The following SNTG1 variants were observed in gnomAD, a reference collection of about 807,000 sequenced individuals.
SNTG1 encodes gamma-1-syntrophin.
In SNTG1, 39 loss-of-function variants were observed where a neutral mutation model predicts 74.7. The ratio of observed to expected loss-of-function variants is 0.52; its 90% CI spans 0.40 to 0.68. The LOEUF (loss-of-function observed/expected upper bound fraction) is 0.68. Among genes scored for constraint, SNTG1 ranks in the 30% least tolerant of loss-of-function variants. The probability of loss-of-function intolerance (pLI) is 0.00; values close to 1 mark genes in which losing one functional copy is unlikely to be tolerated. For synonymous variants in SNTG1, 254 were observed against 217.1 expected, an observed-to-expected ratio of 1.17 and a Z score of -1.49; for missense variants, 685 against 609.5, an observed-to-expected ratio of 1.12 and a Z score of -1.30.
At chr8:50,503,715 T>C (rs542538928) in intron 9 of SNTG1, among the ~76,000 whole-genome samples, 3 of 152,220 alleles carry the variant, frequency 2.0e-5, no homozygotes, top group Non-Finnish European at 4.4e-5. Flanking sequence ...TTCATTTATA[T>C]TGCTGTTTAT....
At chr8:50,683,243 G>A (rs2095338318) in intron 15 of SNTG1, among the ~76,000 whole-genome samples, 1 of 152,138 alleles carries the variant, frequency 6.6e-6, no homozygotes, top group African/African-American at 2.4e-5. Context: ...ATAGTAGTGA[G>A]TAGTGAGAAC....
chr8:49,971,720 AACAG>A (rs1811695779), intron 1 of SNTG1, among the ~76,000 whole-genome samples: 1 of 152,170 alleles, frequency 6.6e-6, no homozygotes, highest in South Asian at 2.1e-4. Flanking sequence ...ATACACCAAT[AACAG>A]ACAAACAGAG....
chr8:50,110,725 G>T (rs2080551619), intron 1 of SNTG1, among the ~76,000 whole-genome samples: 1 of 151,910 alleles, frequency 6.6e-6, no homozygotes, highest in African/African-American at 2.4e-5. Context: ...ACACTGTCTT[G>T]CAGTTACTAC....
chr8:50,205,094 A>G (rs2084157705), intron 2 of SNTG1, among the ~76,000 whole-genome samples: 1 of 152,164 alleles, frequency 6.6e-6, no homozygotes, highest in Non-Finnish European at 1.5e-5. Context: ...CAGTAATGAG[A>G]TGGCTGGGTC....
intron 17 of SNTG1, among the ~76,000 whole-genome samples, chr8:50,733,662 G>T (rs1334008059): frequency 6.6e-6 from 1 of 151,842 alleles, no homozygotes; most frequent in African/African-American, 2.4e-5. Flanking sequence ...GTTTTGATTT[G>T]CATTTCTCTG....
rs71233494 is a variant in SNTG1 at position 50,444,764 on chromosome 8, A to AAAAAGAAAG, written c.220-4901_220-4900insAGAAAGAAA. Among the ~76,000 whole-genome samples the AAAAAGAAAG allele has an allele frequency of 4.7e-4, 66 of 140,226 alleles. 1 individual carries two copies. In the East Asian group the frequency reaches 0.012, roughly 27 times the overall value. 92.0% of individuals were successfully genotyped at this position (140,226 alleles called of 152,430 possible). ...GACTCCATCTCAGAAAAAAAAAAAA[A>AAAAAGAAAG]AAAGAAAGAGATAACAAGCATACAG... On this transcript the variant is annotated intron_variant, in intron 5 of 18. Coordinates refer to ENST00000642720, the MANE Select transcript of SNTG1 (RefSeq NM_018967.5).
intron 2 of SNTG1, among the ~76,000 whole-genome samples, chr8:50,237,611 T>C (rs4330703): frequency 0.89 from 135,803 of 152,092 alleles, 62,127 homozygotes; most frequent in East Asian, 1. Context: ...ATTTTTTTCC[T>C]GAACTCTCCT....
At chr8:50,203,931 TA>T (rs1172703893) in intron 2 of SNTG1, among the ~76,000 whole-genome samples, 2 of 152,118 alleles carry the variant, frequency 1.3e-5, no homozygotes, top group Non-Finnish European at 2.9e-5. Context: ...TTTTTCAACC[TA>T]AAAGTTATGT....
At chr8:50,145,715 T>C (rs2081838299) in intron 1 of SNTG1, among the ~76,000 whole-genome samples, 1 of 152,206 alleles carries the variant, frequency 6.6e-6, no homozygotes, top group Non-Finnish European at 1.5e-5. Context: ...GAACTGATTG[T>C]TCCAAAATAA....
At chr8:50,702,300 A>T (rs529977094) in intron 15 of SNTG1, among the ~76,000 whole-genome samples, 20 of 152,156 alleles carry the variant, frequency 1.3e-4, no homozygotes, top group Non-Finnish European at 2.4e-4. Context: ...GTACTCTCAA[A>T]CATATTATGT....
intron 2 of SNTG1, among the ~76,000 whole-genome samples, chr8:50,184,323 A>G (rs13280089): frequency 0.16 from 23,790 of 151,816 alleles, 2,285 homozygotes; most frequent in Middle Eastern, 0.29. Flanking sequence ...CCACCACCAC[A>G]CCTGGCTAGT....
At chr8:50,472,774 G>T (rs2093663317) in intron 8 of SNTG1, among the ~76,000 whole-genome samples, 1 of 151,986 alleles carries the variant, frequency 6.6e-6, no homozygotes, top group Non-Finnish European at 1.5e-5. Flanking sequence ...TCATATATCT[G>T]ATAAGAAGTT....
chr8:50,622,059 G>A (rs1339057144), intron 13 of SNTG1, among the ~76,000 whole-genome samples: 1 of 152,060 alleles, frequency 6.6e-6, no homozygotes, highest in Non-Finnish European at 1.5e-5. Flanking sequence ...ATATATTCAT[G>A]CTAATTCTCC....
intron 1 of SNTG1, among the ~76,000 whole-genome samples, chr8:50,133,332 C>A (rs1283572578): frequency 2.0e-5 from 3 of 152,138 alleles, no homozygotes; most frequent in Non-Finnish European, 4.4e-5. Context: ...ATATTTCTAA[C>A]ATCAGTCTTG....
chr8:50,096,703 C>CT (rs1222792403), intron 1 of SNTG1, among the ~76,000 whole-genome samples: 1 of 152,070 alleles, frequency 6.6e-6, no homozygotes, highest in African/African-American at 2.4e-5. Context: ...AAAGTAGGGA[C>CT]TTTTTCCAGA....
At chr8:50,219,006 A>G (rs2084927342) in intron 2 of SNTG1, among the ~76,000 whole-genome samples, 1 of 152,220 alleles carries the variant, frequency 6.6e-6, no homozygotes, top group Admixed American at 6.5e-5. Context: ...GGAAATCAGT[A>G]TGGGAATCTC....
At chr8:50,266,052 T>A (rs115649926) in intron 2 of SNTG1, among the ~76,000 whole-genome samples, 51 of 144,130 alleles carry the variant, frequency 3.5e-4, no homozygotes, top group African/African-American at 1.2e-3. Flanking sequence ...ATCAAAATCC[T>A]AGCTTTTTTT....
chr8:50,003,856 G>A (rs1331305062), intron 1 of SNTG1, among the ~76,000 whole-genome samples: 1 of 152,186 alleles, frequency 6.6e-6, no homozygotes, highest in African/African-American at 2.4e-5. Flanking sequence ...ACTTCCAGGT[G>A]TCTCTCTCCT....
chr8:50,507,955 A>T (rs1252785392), intron 9 of SNTG1, among the ~76,000 whole-genome samples: 5 of 151,072 alleles, frequency 3.3e-5, no homozygotes, highest in Non-Finnish European at 5.9e-5. Flanking sequence ...TTTAGGGTAC[A>T]TGTACACAAC....
Sources: gnomAD v4.1 joint callset for allele counts (sites outside exome capture counted in the v4.1 genomes callset) on GRCh38, gnomAD v4.1.1 for gene constraint, MANE v1.5 for transcripts, NCBI Gene and HGNC (gene_info 2026-07-23, HGNC 2026-07-21) for gene names.